Variants in LMO7 observed in about 807,000 individuals in gnomAD.
The protein encoded by LMO7 is LIM domain only protein 7.
A neutral mutation model predicts 206.5 loss-of-function variants in LMO7; 120 were observed. The observed-to-expected ratio is 0.58, with a 90% CI of 0.50 to 0.68. The LOEUF is 0.68. LMO7 is among the 30% of genes least tolerant of loss of function. The probability of loss-of-function intolerance (pLI) is 0.00; values close to 1 mark genes in which losing one functional copy is unlikely to be tolerated. For missense variants in LMO7, 1,959 were observed against 1,957.9 expected (o/e 1.00, Z -0.01); for synonymous variants, 706 against 681.5 (o/e 1.04, Z -0.56).
chr13:75,823,536 C>G, intron 14 of LMO7, 29 bp from the exon 15 acceptor site: 1 of 1,503,840 alleles, frequency 6.6e-7, no homozygotes, highest in Non-Finnish European at 9.1e-7. Context: ...AACAGAATAT[C>G]AAGTTTAAAA....
intron 1 of LMO7, among the ~76,000 whole-genome samples, chr13:75,699,844 G>T (rs763783426): frequency 1.8e-4 from 27 of 152,264 alleles, no homozygotes; most frequent in Middle Eastern, 6.8e-3. Flanking sequence ...CGCCAGGCTG[G>T]AATTTCTTAA....
Position 75,760,642 on chromosome 13 carries a change from G to T in LMO7, c.211-290G>T, listed in dbSNP as rs2048090874. 5.4e-6 allele frequency: 8 copies of T among 1,474,504 alleles called. No individual in the cohort carries two copies. The South Asian group carries it at 9.7e-5, about 18-fold the overall frequency. 91.3% of individuals were successfully genotyped at this position (1,474,504 alleles called of 1,614,324 possible). On this transcript the variant is annotated intron_variant, in intron 3 of 30. Transcript: ENST00000377534. ...ATCAAAGTGTAGATTACTGCTCAGTGGCTAGGCACTTGTCCTGTAACAGGT... is the reference window on the plus strand; with the variant it reads ...ATCAAAGTGTAGATTACTGCTCAGTTGCTAGGCACTTGTCCTGTAACAGGT...
chr13:75,696,353 TCAAAAAAACAAA>T (rs769191286), intron 1 of LMO7, among the ~76,000 whole-genome samples: 78 of 143,512 alleles, frequency 5.4e-4, no homozygotes, highest in Non-Finnish European at 9.7e-4. Context: ...AGACTCCATC[TCAAAAAAACAAA>T]CAAACAAACA....
At chr13:75,743,845 AAAG>A (rs776854995) in intron 3 of LMO7, among the ~76,000 whole-genome samples, 57 of 152,150 alleles carry the variant, frequency 3.7e-4, no homozygotes, top group Non-Finnish European at 7.2e-4. Context: ...CAGGTTAAAA[AAAG>A]AACAAAAACC....
At chr13:75,679,702 C>T (rs2040314826) in intron 1 of LMO7, among the ~76,000 whole-genome samples, 1 of 152,134 alleles carries the variant, frequency 6.6e-6, no homozygotes, top group Non-Finnish European at 1.5e-5. Flanking sequence ...TGCCTCAACC[C>T]CCACCAGTTG....
At chr13:75,753,327 T>C (rs2047422037) in intron 3 of LMO7, among the ~76,000 whole-genome samples, 2 of 152,230 alleles carry the variant, frequency 1.3e-5, no homozygotes, top group African/African-American at 4.8e-5. Flanking sequence ...TGGATGTATA[T>C]AGTTTGCAAA....
chr13:75,806,211 A>G (rs2055439693), intron 9 of LMO7: 2 of 992,464 alleles, frequency 2.0e-6, no homozygotes, highest in Non-Finnish European at 2.4e-6. Context: ...CTGTAAAATC[A>G]CCGGACTCCC....
rs576749764 is a variant in LMO7, at chr13:75,671,678, A to C, written c.69+34952A>C. Among the ~76,000 whole-genome samples the C allele has an allele frequency of 2.1e-4, 32 of 152,334 alleles. No homozygotes were observed. The South Asian group carries it at 4.1e-3, about 20-fold the overall frequency. ...ATGAAATGAGAGCTAATTCTCCAAC[A>C]ACATTCACGTCTTACAATAGAAATT... On this transcript the variant is annotated intron_variant, in intron 1 of 30. Coordinates refer to ENST00000377534, the MANE Select transcript of LMO7 (RefSeq NM_001306080.2).
rs560330664 is a variant in LMO7, at chr13:75,774,418, T to A, written c.317+13380T>A. 2.5e-3 allele frequency among the ~76,000 whole-genome samples: 378 copies of A among 152,250 alleles called. 1 individual carries two copies. The highest frequency in any genetic ancestry group is 3.5e-3 in the Admixed American group (54 of 15,288). ...TTTCCAAATGTAGATTTGCCACAGT[T>A]TGTTTATCTGTTCACCAGTTGATGG... is the stretch of plus-strand genomic sequence containing the variant. On this transcript the variant is annotated intron_variant, in intron 4 of 30. Transcript: ENST00000377534.
In LMO7 at chr13:75,727,190, C is replaced by A. The variant is rs149643074; in HGVS notation, c.210+92C>A. ...CAGATTTTTGTATCTGCAATTACCACTGAAATTAGGTTATGGTTTTTTTGC... is the reference window on the plus strand; with the variant it reads ...CAGATTTTTGTATCTGCAATTACCAATGAAATTAGGTTATGGTTTTTTTGC... On this transcript the variant is annotated intron_variant, in intron 3 of 30. Transcript: ENST00000377534. The A allele has an allele frequency of 5.2e-4, 380 of 724,244 alleles. 1 individual carries two copies. The highest frequency in any genetic ancestry group is 5.1e-3 in the African/African-American group (283 of 55,292). 44.9% of individuals were successfully genotyped at this position (724,244 alleles called of 1,614,324 possible). A position where few individuals can be genotyped will look rare whatever the true frequency, so the allele number is the denominator to read the frequency against.
intron 1 of LMO7, among the ~76,000 whole-genome samples, chr13:75,652,086 T>G (rs1046535268): frequency 6.6e-6 from 1 of 152,208 alleles, no homozygotes; most frequent in Non-Finnish European, 1.5e-5. Context: ...TTTTGCTTTT[T>G]TATGATTGCA....
chr13:75,757,424 A>G (rs1566393853), intron 3 of LMO7, among the ~76,000 whole-genome samples: 1 of 152,234 alleles, frequency 6.6e-6, no homozygotes, highest in Non-Finnish European at 1.5e-5. Context: ...TGTATTATGC[A>G]CCAATAGATA....
chr13:75,738,062 T>A (rs1351841691), intron 3 of LMO7, among the ~76,000 whole-genome samples: 1 of 151,802 alleles, frequency 6.6e-6, no homozygotes, highest in Non-Finnish European at 1.5e-5. Flanking sequence ...CCAAATGAGC[T>A]GTGGTCAGGA....
Position 75,677,749 on chromosome 13 carries a change from G to A in LMO7, c.70-35433G>A, listed in dbSNP as rs749446857. ...GTTGGTGTGCTGCACCCATTAACTC[G>A]TCATTTAACATTAGGTATATCTCCT... is the stretch of plus-strand genomic sequence containing the variant. On this transcript the variant is annotated intron_variant, in intron 1 of 30. Coordinates refer to ENST00000377534, the MANE Select transcript of LMO7 (RefSeq NM_001306080.2). 9.4e-5 allele frequency among the ~76,000 whole-genome samples: 14 copies of A among 149,658 alleles called. No individual in the cohort carries two copies. In the East Asian group the frequency reaches 1.8e-3, roughly 19 times the overall value.
intron 26 of LMO7, 178 bp from the exon 27 acceptor site, chr13:75,848,901 T>C: frequency 1.8e-6 from 1 of 566,234 alleles, no homozygotes. Context: ...CCCTTTTCCC[T>C]GCATTCACAC....
chr13:75,635,114 G>C (rs914148746), upstream of LMO7, among the ~76,000 whole-genome samples: 1 of 151,988 alleles, frequency 6.6e-6, no homozygotes, highest in African/African-American at 2.4e-5. Context: ...GATACATAAG[G>C]CAAAAGGCAA....
rs143194714 is a variant in LMO7, at chr13:75,713,343, G to A, written c.140+91G>A. The A allele has an allele frequency of 2.7e-4, 213 of 798,978 alleles. No homozygotes were observed. In the African/African-American group the frequency reaches 3.2e-3, roughly 12 times the overall value. 49.5% of individuals were successfully genotyped at this position (798,978 alleles called of 1,614,324 possible). ...GTGTTTGGCTCCTCCCATGGCCACC[G>A]TAGTCACAGATATGTGTTCTTGGTC... On this transcript the variant is annotated intron_variant, in intron 2 of 30. Transcript: ENST00000377534.
chr13:75,644,095 A>G (rs1443283815), intron 1 of LMO7, among the ~76,000 whole-genome samples: 1 of 152,154 alleles, frequency 6.6e-6, no homozygotes, highest in Non-Finnish European at 1.5e-5. Context: ...AGTGCCCTAC[A>G]CTACATGAGC....
rs2053942059 is a variant in LMO7 at position 75,795,862 on chromosome 13, G to A, written c.348+431G>A. ...GTCTTAGGTTAAATAGCTAATGCAT[G>A]TGGGACTTAATAGCCAGGTGATGCC... is the stretch of plus-strand genomic sequence containing the variant. On this transcript the variant is annotated intron_variant, in intron 5 of 30. Transcript: ENST00000377534. 2.0e-5 allele frequency among the ~76,000 whole-genome samples: 3 copies of A among 152,218 alleles called. No homozygotes were observed. In the South Asian group the frequency reaches 6.2e-4, roughly 32 times the overall value.
Sources: allele counts gnomAD v4.1 joint callset (sites outside exome capture counted in the v4.1 genomes callset), GRCh38; gene constraint gnomAD v4.1.1; transcripts MANE v1.5; gene names NCBI Gene and HGNC (gene_info 2026-07-23, HGNC 2026-07-21).